SLC41A2: variants seen among roughly 807,000 people sequenced by gnomAD.
SLC41A2 encodes the protein SLC41A1-like 1.
SLC41A2 carries 32 observed loss-of-function variants against 58.3 expected under a neutral mutation model. That is an observed-to-expected ratio of 0.55 (90% CI 0.41 to 0.74). SLC41A2 has a LOEUF of 0.74. Among genes scored for constraint, SLC41A2 ranks in the 30% least tolerant of loss-of-function variants. The pLI is 0.00. For missense variants in SLC41A2, 514 were observed against 680.6 expected (o/e 0.76, Z 2.72); for synonymous variants, 190 against 235.0 (o/e 0.81, Z 1.75).
intron 1 of SLC41A2, among the ~76,000 whole-genome samples, chr12:104,939,079 G>A (rs2047399042): frequency 6.6e-6 from 1 of 152,194 alleles, no homozygotes; most frequent in South Asian, 2.1e-4. Context: ...TAGATTTATG[G>A]AAAAGTTCAT....
At chr12:104,813,949 A>T (rs1343299265) in intron 10 of SLC41A2, among the ~76,000 whole-genome samples, 1 of 152,092 alleles carries the variant, frequency 6.6e-6, no homozygotes, top group African/African-American at 2.4e-5. Flanking sequence ...ACTGGCTGTT[A>T]AAAAATTGAA....
chr12:104,894,962 T>C (rs1307350034), intron 4 of SLC41A2, among the ~76,000 whole-genome samples: 1 of 152,196 alleles, frequency 6.6e-6, no homozygotes, highest in African/African-American at 2.4e-5. Flanking sequence ...GTGCTAAATA[T>C]TTACTAAACA....
chr12:104,843,083 C>T (rs1332094377), intron 10 of SLC41A2, among the ~76,000 whole-genome samples: 1 of 152,018 alleles, frequency 6.6e-6, no homozygotes, highest in Non-Finnish European at 1.5e-5. Context: ...TAAGTTTTGT[C>T]CCTACTGAAC....
intron 10 of SLC41A2, among the ~76,000 whole-genome samples, chr12:104,821,432 A>G (rs1428907809): frequency 1.3e-5 from 2 of 152,220 alleles, no homozygotes; most frequent in Non-Finnish European, 2.9e-5. Flanking sequence ...AACTAAAAAC[A>G]ATCTAAAAAG....
rs538667286 is a variant in SLC41A2 at position 104,842,522 on chromosome 12, G to A, written c.1536+1950C>T. On this transcript the variant is annotated intron_variant, in intron 10 of 10. Coordinates refer to ENST00000258538, the MANE Select transcript of SLC41A2 (RefSeq NM_001352171.3). ...TATCTTTAATAACAACAACAATAGC[G>A]TCAGCTAACACTTATATAGCATCTG... Among the ~76,000 whole-genome samples, 14 of 152,092 alleles carry A rather than the reference G, an allele frequency of 9.2e-5. No homozygotes were observed. In the South Asian group the frequency reaches 1.7e-3, roughly 18 times the overall value.
chr12:104,878,325 A>G (rs2044165244), intron 6 of SLC41A2, among the ~76,000 whole-genome samples: 1 of 122,590 alleles, frequency 8.2e-6, no homozygotes, highest in Admixed American at 8.2e-5. Context: ...ATATATATAT[A>G]TACATTTTTT....
intron 6 of SLC41A2, among the ~76,000 whole-genome samples, chr12:104,875,079 T>C (rs943017640): frequency 4.6e-5 from 7 of 152,210 alleles, no homozygotes; most frequent in African/African-American, 1.7e-4. Context: ...TCTAGATATT[T>C]TATTTAACAC....
At chr12:104,883,588 G>T (rs951542478) in intron 6 of SLC41A2, among the ~76,000 whole-genome samples, 4 of 152,226 alleles carry the variant, frequency 2.6e-5, no homozygotes, top group African/African-American at 4.8e-5. Flanking sequence ...TCAGCTGCAG[G>T]TCTGTTGGAG....
chr12:104,834,227 T>C (rs1435402939), intron 10 of SLC41A2: 1 of 969,640 alleles, frequency 1.0e-6, no homozygotes, highest in Non-Finnish European at 1.2e-6. Flanking sequence ...TGTCTCAATT[T>C]GAGACCTTAC....
chr12:104,882,080 T>C lies in SLC41A2; in HGVS notation c.1027+4213A>G, dbSNP rs150260746. Among the ~76,000 whole-genome samples, 983 of 152,332 alleles carry C rather than the reference T, an allele frequency of 6.5e-3. 9 individuals carry two copies. The highest frequency in any genetic ancestry group is 0.023 in the African/African-American group (939 of 41,566). On this transcript the variant is annotated intron_variant, in intron 6 of 10. Transcript: ENST00000258538. ...TTTACCATTATGTAATGGCTTTCTT[T>C]GTCTCTTTTGATTTTTGTTGGTTTA... is the stretch of plus-strand genomic sequence containing the variant.
At chr12:104,874,077 T>G (rs566286419) in intron 6 of SLC41A2, among the ~76,000 whole-genome samples, 10 of 149,108 alleles carry the variant, frequency 6.7e-5, no homozygotes, top group East Asian at 5.8e-4. Flanking sequence ...GAGTTTGTTT[T>G]TTTTTTTTTT....
At chr12:104,809,951 A>G (rs983489825) in intron 10 of SLC41A2, among the ~76,000 whole-genome samples, 5 of 152,194 alleles carry the variant, frequency 3.3e-5, no homozygotes, top group Admixed American at 6.5e-5. Context: ...CTGCGTCTTC[A>G]GTACCTAGCA....
intron 10 of SLC41A2, among the ~76,000 whole-genome samples, chr12:104,835,651 GT>G (rs1318304633): frequency 6.6e-6 from 1 of 152,130 alleles, no homozygotes; most frequent in Non-Finnish European, 1.5e-5. Context: ...AGATATTTAT[GT>G]GCTTGGAATG....
At chr12:104,810,447 T>C (rs546239812) in intron 10 of SLC41A2, among the ~76,000 whole-genome samples, 6 of 152,294 alleles carry the variant, frequency 3.9e-5, no homozygotes, top group African/African-American at 4.8e-5. Context: ...ATGTGTTAAA[T>C]ACATACTTAT....
chr12:104,942,688 G>A (rs894741793), intron 1 of SLC41A2, among the ~76,000 whole-genome samples: 23 of 152,040 alleles, frequency 1.5e-4, no homozygotes, highest in African/African-American at 5.3e-4. Flanking sequence ...TAGCAGTGAG[G>A]AAACTTACAG....
At chr12:104,918,628 G>GAAAAAAAAAAA (rs34865307) in intron 2 of SLC41A2, among the ~76,000 whole-genome samples, 6 of 111,478 alleles carry the variant, frequency 5.4e-5, no homozygotes, top group Admixed American at 2.0e-4. Context: ...GGAGATACAT[G>GAAAAAAAAAAA]AAAAAAAAAA....
intron 8 of SLC41A2, among the ~76,000 whole-genome samples, chr12:104,848,541 A>G (rs948974997): frequency 6.6e-6 from 1 of 152,152 alleles, no homozygotes; most frequent in African/African-American, 2.4e-5. Flanking sequence ...TAGATAAAAA[A>G]GAGGTAGAAG....
At position 104,814,907 on chromosome 12, in the gene SLC41A2, T is replaced by G. The variant is rs938751024; in HGVS notation, c.1537-9570A>C. ...TCAGTCTTTAAAACGAATAAATTTA[T>G]GTCTTCATAGTCTGTTCTAGCTCTA... On this transcript the variant is annotated intron_variant, in intron 10 of 10. Coordinates refer to ENST00000258538, the MANE Select transcript of SLC41A2 (RefSeq NM_001352171.3). Among the ~76,000 whole-genome samples, 10 of 152,268 alleles carry G rather than the reference T, an allele frequency of 6.6e-5. No homozygotes were observed. In the South Asian group the frequency reaches 2.1e-3, roughly 31 times the overall value.
At chr12:104,945,754 C>T (rs982276016) in intron 1 of SLC41A2, among the ~76,000 whole-genome samples, 1 of 152,190 alleles carries the variant, frequency 6.6e-6, no homozygotes, top group Admixed American at 6.5e-5. Flanking sequence ...CAACAGCCTT[C>T]ATTCTATTAA....
Sources: allele counts gnomAD v4.1 joint callset (sites outside exome capture counted in the v4.1 genomes callset), GRCh38; gene constraint gnomAD v4.1.1; transcripts MANE v1.5; gene names NCBI Gene and HGNC (gene_info 2026-07-23, HGNC 2026-07-21).